ACSS2: variants seen among roughly 807,000 people sequenced by gnomAD.
ACSS2 encodes the protein acyl-CoA synthetase short chain family member 2.
ACSS2 carries 58 observed loss-of-function variants against 90.6 expected under a neutral mutation model. The ratio of observed to expected loss-of-function variants is 0.64; its 90% CI spans 0.52 to 0.80. The LOEUF is 0.80. Among genes scored for constraint, ACSS2 ranks in the 30% least tolerant of loss-of-function variants. The pLI is 0.00. For synonymous variants in ACSS2, 300 were observed against 330.9 expected, an observed-to-expected ratio of 0.91 and a Z score of 1.01; for missense variants, 759 against 912.0, an observed-to-expected ratio of 0.83 and a Z score of 2.16.
chr20:34,926,184 C>T lies in ACSS2; in HGVS notation c.1806C>T (p.His602=), dbSNP rs1319899244. The change falls in exon 16 of 18, where the codon CAC becomes CAT. Residue 602 remains histidine (H), a synonymous_variant. Transcript: ENST00000360596. ...TTGCAGAGGCAGCTGTGGTGGGCCA[C>T]CCTCATCCTGTGAAGGGTGAATGCC... The part of the protein sequence containing the change: ...EAVAEAAVVG[H]PHPVKGECLY... 1 of 1,614,190 alleles carries T rather than the reference C, an allele frequency of 6.2e-7. No individual in the cohort carries two copies. The highest frequency in any genetic ancestry group is 2.2e-5 in the East Asian group (1 of 44,884).
intron 1 of ACSS2, among the ~76,000 whole-genome samples, chr20:34,880,066 T>C (rs2080033953): frequency 6.6e-6 from 1 of 152,242 alleles, no homozygotes; most frequent in Non-Finnish European, 1.5e-5. Flanking sequence ...CCATTTATTA[T>C]TCTATGGTAT....
At chr20:34,899,586 T>A (rs1215979236) in intron 2 of ACSS2, among the ~76,000 whole-genome samples, 1 of 150,804 alleles carries the variant, frequency 6.6e-6, no homozygotes, top group Non-Finnish European at 1.5e-5. Context: ...GCCTCCCGGG[T>A]TCAAGCGATT....
intron 2 of ACSS2, among the ~76,000 whole-genome samples, chr20:34,899,273 G>C (rs946338357): frequency 6.6e-6 from 1 of 152,204 alleles, no homozygotes; most frequent in Non-Finnish European, 1.5e-5. Flanking sequence ...TGGGCTGAAG[G>C]GCTCCTCAAG....
intron 13 of ACSS2, chr20:34,922,072 G>T: frequency 7.8e-7 from 1 of 1,281,540 alleles, no homozygotes. Context: ...AGTCTCCTAA[G>T]GGCGTTTTAA....
At chr20:34,876,263 C>T (rs900421687), upstream of ACSS2, among the ~76,000 whole-genome samples, 1 of 151,984 alleles carries the variant, frequency 6.6e-6, no homozygotes, top group Non-Finnish European at 1.5e-5. Context: ...GGTTACTCCC[C>T]ATCACTCCAT....
rs763870941 is a variant in ACSS2, at chr20:34,914,114, A to G, written c.662A>G (p.Glu221Gly). The G allele has an allele frequency of 5.6e-6, 9 of 1,614,068 alleles. No individual in the cohort carries two copies. In the Admixed American group the frequency reaches 6.7e-5, roughly 12 times the overall value. ...CCCAAAGATGCCTTCTACAGGGGGG[A>G]AAAGCTTGTGAACCTGAAGGAGCTG... ...LITTDAFYRGEKLVNLKELAD... is the reference protein window; with the variant it reads ...LITTDAFYRGGKLVNLKELAD... The change falls in exon 6 of 18, where the codon GAA becomes GGA. Residue 221 changes from glutamate to glycine, a missense_variant. Coordinates refer to ENST00000360596, the MANE Select transcript of ACSS2 (RefSeq NM_018677.4).
chr20:34,883,536 T>G (rs563938171), intron 2 of ACSS2, among the ~76,000 whole-genome samples: 39 of 152,334 alleles, frequency 2.6e-4, no homozygotes, highest in Admixed American at 1.4e-3. Context: ...GATTCAAACC[T>G]AGGCAGTATA....
At chr20:34,879,213 C>A (rs1169012760) in intron 1 of ACSS2, among the ~76,000 whole-genome samples, 1 of 151,930 alleles carries the variant, frequency 6.6e-6, no homozygotes. Context: ...CTCTGCTTTT[C>A]TTTTAAGACC....
rs139694690 is a variant in ACSS2, at chr20:34,905,646, G to A, written c.375-7450G>A. On this transcript the variant is annotated intron_variant, in intron 2 of 17. Coordinates refer to ENST00000360596, the MANE Select transcript of ACSS2 (RefSeq NM_018677.4). ...AACATTGAGCCCTGATTCCTAGCAA[G>A]CAAAAGCTGACAGGAACCAAGTTTA... Among the ~76,000 whole-genome samples, 4 of 152,292 alleles carry A rather than the reference G, an allele frequency of 2.6e-5. No individual in the cohort carries two copies. In the East Asian group the frequency reaches 7.7e-4, roughly 29 times the overall value.
Position 34,920,489 on chromosome 20 carries a change from T to G in ACSS2, c.973-50T>G, listed in dbSNP as rs1026367655. On this transcript the variant is annotated intron_variant, in intron 8 of 17. Transcript: ENST00000360596. ...GCTCTGCCCAGCCTCCATTTGGTGGTCAGTAGGGGTGGGCATAAGACCCTA... is the reference window on the plus strand; with the variant it reads ...GCTCTGCCCAGCCTCCATTTGGTGGGCAGTAGGGGTGGGCATAAGACCCTA... 2.6e-6 allele frequency: 4 copies of G among 1,567,720 alleles called. No individual in the cohort carries two copies. The Admixed American group carries it at 7.3e-5, about 29-fold the overall frequency.
At chr20:34,920,873 C>A in intron 9 of ACSS2, 133 bp from the exon 10 acceptor site, 1 of 1,502,860 alleles carries the variant, frequency 6.7e-7, no homozygotes, top group African/African-American at 1.4e-5. Context: ...AGGATGGTAT[C>A]TTGGCTTGTC....
chr20:34,876,329 G>T, upstream of ACSS2: 1 of 251,240 alleles, frequency 4.0e-6, no homozygotes. Flanking sequence ...GCACTCCACG[G>T]TTCCACCCTC....
At chr20:34,904,275 T>G (rs1453372503) in intron 2 of ACSS2, among the ~76,000 whole-genome samples, 1 of 151,902 alleles carries the variant, frequency 6.6e-6, no homozygotes, top group Non-Finnish European at 1.5e-5. Flanking sequence ...ATAACCTTAC[T>G]GAGAAGCCAA....
rs2080801439 is a variant in ACSS2 at position 34,906,288 on chromosome 20, C to T, written c.375-6808C>T. On this transcript the variant is annotated intron_variant, in intron 2 of 17. Transcript: ENST00000360596. ...AAGCACAGCTTGCAGTGAGCCGAGA[C>T]TGCGGCACTGCACTCCAGCCTGGGT... 3.4e-5 allele frequency among the ~76,000 whole-genome samples: 5 copies of T among 148,722 alleles called. No homozygotes were observed. The South Asian group carries it at 1.0e-3, about 31-fold the overall frequency.
At chr20:34,883,040 A>G (rs2080104455) in intron 2 of ACSS2, 51 bp downstream of exon 2, 4 of 1,409,434 alleles carry the variant, frequency 2.8e-6, no homozygotes, top group Non-Finnish European at 3.9e-6. Flanking sequence ...CTCATTTGAT[A>G]CTTACAACAA....
chr20:34,916,867 CT>C (rs1468414913), intron 7 of ACSS2, among the ~76,000 whole-genome samples: 1 of 152,190 alleles, frequency 6.6e-6, no homozygotes, highest in Non-Finnish European at 1.5e-5. Context: ...GGCAGCTGCC[CT>C]CCTTGAGACT....
chr20:34,918,324 T>C (rs941613667), intron 7 of ACSS2, among the ~76,000 whole-genome samples: 5 of 152,220 alleles, frequency 3.3e-5, no homozygotes, highest in Non-Finnish European at 7.3e-5. Context: ...GAACTGGTAT[T>C]GAAGTACACT....
At chr20:34,884,089 A>G (rs2080133050) in intron 2 of ACSS2, among the ~76,000 whole-genome samples, 1 of 152,074 alleles carries the variant, frequency 6.6e-6, no homozygotes. Flanking sequence ...GGGACTACAG[A>G]CATGCACCAC....
intron 2 of ACSS2, among the ~76,000 whole-genome samples, chr20:34,905,007 T>C (rs544849124): frequency 4.2e-5 from 6 of 141,424 alleles, no homozygotes; most frequent in Admixed American, 3.0e-4. Context: ...AGCCTTGACC[T>C]CCCGGGCTTA....
Sources: allele counts gnomAD v4.1 joint callset (sites outside exome capture counted in the v4.1 genomes callset), GRCh38; gene constraint gnomAD v4.1.1; transcripts MANE v1.5; gene names NCBI Gene and HGNC (gene_info 2026-07-23, HGNC 2026-07-21).